The following TOGARAM1 variants were observed in gnomAD, a reference collection of about 807,000 sequenced individuals.
TOGARAM1 encodes the protein TOG array regulator of axonemal microtubules 1, also known as TOG array regulator of axonemal microtubules protein 1.
Under a neutral mutation model 166.6 loss-of-function variants are expected in TOGARAM1, and 100 were observed. The ratio of observed to expected loss-of-function variants is 0.60; its 90% CI spans 0.51 to 0.71. The LOEUF is 0.71. Ranked by LOEUF, TOGARAM1 falls within the 30% of genes least tolerant of loss-of-function variation. The probability of loss-of-function intolerance (pLI) is 0.00; values close to 1 mark genes in which losing one functional copy is unlikely to be tolerated. For synonymous variants in TOGARAM1, 758 were observed against 763.8 expected, an observed-to-expected ratio of 0.99 and a Z score of 0.13; for missense variants, 2,029 against 2,102.7, an observed-to-expected ratio of 0.96 and a Z score of 0.69.
chr14:45,047,867 G>A (rs991631112), intron 14 of TOGARAM1, among the ~76,000 whole-genome samples: 3 of 150,700 alleles, frequency 2.0e-5, no homozygotes, highest in East Asian at 3.9e-4. Flanking sequence ...ACCAGCCTGC[G>A]AACATGGTTA....
rs771590033 is a variant in TOGARAM1, at chr14:45,068,507, T to C, written c.4833T>C (p.Ile1611=). The change falls in exon 18 of 20, where the codon ATT becomes ATC. Residue 1611 remains isoleucine (I), a synonymous_variant. Transcript: ENST00000361462. ...CTCTGGAAACAATGCACAAAATGAT[T>C]CCTCTACTTAGAGACCACTTATCTC... ...LVALETMHKM[I]PLLRDHLSPI... The C allele has an allele frequency of 8.1e-6, 13 of 1,613,636 alleles. No individual in the cohort carries two copies. The South Asian group carries it at 1.1e-4, about 14-fold the overall frequency.
chr14:45,063,267 A>G (rs545569622), intron 16 of TOGARAM1, among the ~76,000 whole-genome samples: 87 of 152,184 alleles, frequency 5.7e-4, no homozygotes, highest in Non-Finnish European at 1.1e-3. Context: ...TGTTGTGGAC[A>G]TATGTTTTCA....
chr14:44,966,203 G>A (rs1323254130), intron 1 of TOGARAM1, among the ~76,000 whole-genome samples: 1 of 151,738 alleles, frequency 6.6e-6, no homozygotes, highest in African/African-American at 2.4e-5. Flanking sequence ...CAGGCAGGGT[G>A]GCTCACACCT....
intron 10 of TOGARAM1, among the ~76,000 whole-genome samples, chr14:45,030,684 T>A (rs944809308): frequency 6.6e-6 from 1 of 152,156 alleles, no homozygotes; most frequent in South Asian, 2.1e-4. Flanking sequence ...TGGTACTGAT[T>A]TATCACTATA....
Position 45,019,978 on chromosome 14 carries a change from G to A in TOGARAM1, c.3239-5805G>A, listed in dbSNP as rs374435379. On this transcript the variant is annotated intron_variant, in intron 7 of 19. Transcript: ENST00000361462. ...CATCAGAGCATGGGCTAGCAGGCTG[G>A]TCCAGGGGTCTGTGGTAGATTTTAG... Among the ~76,000 whole-genome samples, 22 of 152,286 alleles carry A rather than the reference G, an allele frequency of 1.4e-4. 3 individuals are homozygous for A. The highest frequency in any genetic ancestry group is 4.1e-4 in the African/African-American group (17 of 41,568).
chr14:45,048,419 T>C (rs1362293254), intron 14 of TOGARAM1, among the ~76,000 whole-genome samples: 1 of 152,180 alleles, frequency 6.6e-6, no homozygotes, highest in Non-Finnish European at 1.5e-5. Flanking sequence ...GACAAAGATG[T>C]TCATTACTTT....
At chr14:44,989,589 A>G (rs1472359089) in intron 1 of TOGARAM1, among the ~76,000 whole-genome samples, 1 of 152,002 alleles carries the variant, frequency 6.6e-6, no homozygotes, top group Non-Finnish European at 1.5e-5. Flanking sequence ...TCATACTACT[A>G]TAAAGAATCA....
At chr14:45,001,697 C>A (rs180927586) in intron 3 of TOGARAM1, among the ~76,000 whole-genome samples, 1 of 152,266 alleles carries the variant, frequency 6.6e-6, no homozygotes, top group African/African-American at 2.4e-5. Flanking sequence ...AATACCAAGT[C>A]ATTGAAAATA....
intron 1 of TOGARAM1, among the ~76,000 whole-genome samples, chr14:44,967,186 T>C (rs989982136): frequency 6.6e-6 from 1 of 152,180 alleles, no homozygotes; most frequent in Non-Finnish European, 1.5e-5. Flanking sequence ...ACTTGTTTTT[T>C]GTTTGTTTGT....
intron 1 of TOGARAM1, among the ~76,000 whole-genome samples, chr14:44,984,678 C>A (rs553707476): frequency 6.6e-6 from 1 of 151,210 alleles, no homozygotes; most frequent in Non-Finnish European, 1.5e-5. Flanking sequence ...GGGAAGCTGA[C>A]GTAGAAGGAT....
chr14:45,039,371 A>G (rs1881605401), intron 11 of TOGARAM1, among the ~76,000 whole-genome samples: 1 of 152,108 alleles, frequency 6.6e-6, no homozygotes, highest in Admixed American at 6.5e-5. Context: ...GCCCACTCCC[A>G]CAAGCTTCAG....
At chr14:45,050,701 A>C (rs1316967373) in intron 14 of TOGARAM1, among the ~76,000 whole-genome samples, 1 of 147,256 alleles carries the variant, frequency 6.8e-6, no homozygotes, top group Non-Finnish European at 1.5e-5. Flanking sequence ...TGCAACCTCC[A>C]CCTCCCAGGT....
chr14:45,071,243 C>T (rs919027217), intron 18 of TOGARAM1, among the ~76,000 whole-genome samples: 16 of 150,154 alleles, frequency 1.1e-4, no homozygotes, highest in African/African-American at 3.7e-4. Flanking sequence ...TTTGATAAAA[C>T]TATGTTATCG....
intron 11 of TOGARAM1, among the ~76,000 whole-genome samples, chr14:45,037,468 C>T (rs1294734056): frequency 6.6e-6 from 1 of 152,110 alleles, no homozygotes; most frequent in Non-Finnish European, 1.5e-5. Flanking sequence ...GGGTGTAATA[C>T]AGTCTGTGTA....
intron 1 of TOGARAM1, among the ~76,000 whole-genome samples, chr14:44,980,199 A>C (rs1163234377): frequency 2.6e-5 from 4 of 152,160 alleles, no homozygotes; most frequent in African/African-American, 9.7e-5. Flanking sequence ...CTCTGCTTTA[A>C]CATTTACAGT....
chr14:45,038,671 T>C (rs1881565348), intron 11 of TOGARAM1, among the ~76,000 whole-genome samples: 1 of 152,212 alleles, frequency 6.6e-6, no homozygotes, highest in Non-Finnish European at 1.5e-5. Flanking sequence ...GGGTTCCCCA[T>C]AGGGCCACAG....
At chr14:45,005,671 T>A (rs10139464) in intron 4 of TOGARAM1, among the ~76,000 whole-genome samples, 7,067 of 152,234 alleles carry the variant, frequency 0.046, 533 homozygotes, top group African/African-American at 0.16. Context: ...TCTGCGTCCC[T>A]CATGATTTTC....
At chr14:45,061,620 G>A (rs962959054) in intron 16 of TOGARAM1, among the ~76,000 whole-genome samples, 16 of 152,034 alleles carry the variant, frequency 1.1e-4, no homozygotes. Context: ...TGCCCTTCCA[G>A]CATCTATTAA....
chr14:45,056,925 A>T (rs968510725), intron 16 of TOGARAM1, among the ~76,000 whole-genome samples: 2 of 152,044 alleles, frequency 1.3e-5, no homozygotes, highest in African/African-American at 4.8e-5. Flanking sequence ...TTTCAGGATG[A>T]TTGGTATAAG....
Sources: allele counts gnomAD v4.1 joint callset (sites outside exome capture counted in the v4.1 genomes callset), GRCh38; gene constraint gnomAD v4.1.1; transcripts MANE v1.5; gene names NCBI Gene and HGNC (gene_info 2026-07-23, HGNC 2026-07-21).